The following CYGB variants were observed in gnomAD, a reference collection of about 807,000 sequenced individuals.
CYGB encodes cytoglobin.
CYGB carries 13 observed loss-of-function variants against 20.7 expected under a neutral mutation model. The observed-to-expected ratio is 0.63, with a 90% CI of 0.41 to 1.00. The LOEUF is 1.00. Among genes scored for constraint, CYGB ranks in the 50% least tolerant of loss-of-function variants. The pLI is 0.00. For missense variants in CYGB, 218 were observed against 257.2 expected (o/e 0.85, Z 1.04); for synonymous variants, 93 against 107.4 (o/e 0.87, Z 0.83).
Position 76,530,919 on chromosome 17 carries a change from C to G in CYGB, c.539+60G>C. The G allele has an allele frequency of 1.3e-6, 2 of 1,499,248 alleles. No homozygotes were observed. The highest frequency in any genetic ancestry group is 1.8e-6 in the Non-Finnish European group (2 of 1,118,324). 92.9% of individuals were successfully genotyped at this position (1,499,248 alleles called of 1,614,324 possible). ...GGGCCTCAGGAGATATGGGAGACCT[C>G]GGGGACAGCAGAGGACATGGCGGGG... On this transcript the variant is annotated intron_variant, in intron 3 of 3. Coordinates refer to ENST00000293230, the MANE Select transcript of CYGB (RefSeq NM_134268.5). The surrounding 1 kb of genome is among the most constrained non-coding windows in gnomAD (Gnocchi z 6.1).
rs2074796421 is a variant in CYGB, at chr17:76,528,694, T to C, written c.540-83A>G. The C allele has an allele frequency of 1.7e-6, 2 of 1,202,500 alleles. No individual in the cohort carries two copies. Among genetic ancestry groups the C allele is most frequent in the Admixed American group, 8.4e-5 (2 of 23,676 alleles). 74.5% of individuals were successfully genotyped at this position (1,202,500 alleles called of 1,614,324 possible). A position where few individuals can be genotyped will look rare whatever the true frequency, so the allele number is the denominator to read the frequency against. On this transcript the variant is annotated intron_variant, in intron 3 of 3. Coordinates refer to ENST00000293230, the MANE Select transcript of CYGB (RefSeq NM_134268.5). The surrounding 1 kb of genome is among the most constrained non-coding windows in gnomAD (Gnocchi z 5.8). ...GGGGGAAAGGGGGAGGACCTGGGGC[T>C]GGCGAGGCTCACTTCCTGCCAAGAG...
chr17:76,547,589 C>T (rs1459204318), intron 1 of CYGB, among the ~76,000 whole-genome samples: 1 of 152,040 alleles, frequency 6.6e-6, no homozygotes, highest in Non-Finnish European at 1.5e-5. Flanking sequence ...CAGACTCAGC[C>T]TGTGCACCTG....
intron 1 of CYGB, 84 bp downstream of exon 1, chr17:76,537,316 C>A: frequency 7.2e-7 from 1 of 1,393,348 alleles, no homozygotes; most frequent in Non-Finnish European, 9.3e-7. Context: ...GGCGCTGGAG[C>A]TCGGACCCGG....
chr17:76,539,404 CCTGT>C (rs764961872), upstream of CYGB, among the ~76,000 whole-genome samples: 20 of 152,276 alleles, frequency 1.3e-4, no homozygotes, highest in South Asian at 4.1e-4. Context: ...AGTGGCTGCA[CCTGT>C]CTATTTTGTG....
At chr17:76,532,573 C>T (rs2074859532) in intron 1 of CYGB, among the ~76,000 whole-genome samples, 1 of 143,186 alleles carries the variant, frequency 7.0e-6, no homozygotes, top group Non-Finnish European at 1.5e-5. Context: ...ACTCTGTCAT[C>T]CAGGCTGGAG....
chr17:76,527,853 G>A lies in CYGB; in HGVS notation c.*725C>T, dbSNP rs1382505451. 2.2e-6 allele frequency: 1 copy of A among 450,920 alleles called. No homozygotes were observed. The highest frequency in any genetic ancestry group is 7.0e-5 in the East Asian group (1 of 14,312). The allele number at this position is 450,920 out of a possible 1,614,324, so 27.9% of individuals were successfully genotyped here. ...CAGCCGGTGAGTCAGTTCCTCTGAG[G>A]GAGTAGGGGGAGCCCACTCCTTTCT... On this transcript the variant is annotated 3_prime_UTR_variant, in exon 4 of 4. Coordinates refer to ENST00000293230, the MANE Select transcript of CYGB (RefSeq NM_134268.5).
upstream of CYGB, among the ~76,000 whole-genome samples, chr17:76,542,319 T>C (rs1001858786): frequency 6.6e-6 from 1 of 152,180 alleles, no homozygotes; most frequent in African/African-American, 2.4e-5. Context: ...CTGGAAAAAT[T>C]GGTCTGACAT....
rs1402097689 is a variant in CYGB, at chr17:76,533,375, C to T, written c.144-1684G>A. On this transcript the variant is annotated intron_variant, in intron 1 of 3. Coordinates refer to ENST00000293230, the MANE Select transcript of CYGB (RefSeq NM_134268.5). The surrounding 1 kb of genome is among the most constrained non-coding windows in gnomAD (Gnocchi z 4.5). ...GTAATGAGGGACAAATGTGAAAAAC[C>T]CAATTTGGACTTAAACAAGCATCTC... is the stretch of plus-strand genomic sequence containing the variant. Among the ~76,000 whole-genome samples, 2 of 152,112 alleles carry T rather than the reference C, an allele frequency of 1.3e-5. No homozygotes were observed. The highest frequency in any genetic ancestry group is 2.9e-5 in the Non-Finnish European group (2 of 68,026).
chr17:76,544,457 G>A (rs2075030696), intron 1 of CYGB: 3 of 455,156 alleles, frequency 6.6e-6, no homozygotes, highest in African/African-American at 4.0e-5. Flanking sequence ...GGGCCTGCTG[G>A]TACCTCGGGG....
Position 76,531,294 on chromosome 17 carries a change from G to T in CYGB, c.376-152C>A. ...ACCCCGTGCTCTCAGGACAAGGGTT[G>T]CCCTGGACCCAGCCCCTCCATCCTG... On this transcript the variant is annotated intron_variant, in intron 2 of 3. Coordinates refer to ENST00000293230, the MANE Select transcript of CYGB (RefSeq NM_134268.5). This position sits in a 1 kb window ranked among gnomAD's most constrained non-coding sequence, Gnocchi z 7.4. 8.3e-7 allele frequency: 1 copy of T among 1,203,148 alleles called. No homozygotes were observed. The allele number at this position is 1,203,148 out of a possible 1,614,324, so 74.5% of individuals were successfully genotyped here.
At position 76,528,918 on chromosome 17, in the gene CYGB, A is replaced by C; in HGVS notation, c.540-307T>G. ...TCACAAACTGCAAAGCACGATACCAATGTGAGCTCTTTTTCCATTAATTCT... is the reference window on the plus strand; with the variant it reads ...TCACAAACTGCAAAGCACGATACCACTGTGAGCTCTTTTTCCATTAATTCT... On this transcript the variant is annotated intron_variant, in intron 3 of 3. Coordinates refer to ENST00000293230, the MANE Select transcript of CYGB (RefSeq NM_134268.5). The surrounding 1 kb of genome is among the most constrained non-coding windows in gnomAD (Gnocchi z 5.8). 1 of 1,163,108 alleles carries C rather than the reference A, an allele frequency of 8.6e-7. No individual in the cohort carries two copies. 72.0% of individuals were successfully genotyped at this position (1,163,108 alleles called of 1,614,324 possible).
chr17:76,529,107 C>G (rs963097838), intron 3 of CYGB: 1 of 965,870 alleles, frequency 1.0e-6, no homozygotes, highest in Non-Finnish European at 1.2e-6. Context: ...GCTCAATAAA[C>G]AGTGGCGCCT....
At position 76,528,588 on chromosome 17, in the gene CYGB, G is replaced by T; in HGVS notation, c.563C>A (p.Ser188Ter). The change falls in exon 4 of 4, where the codon TCG becomes TAG. Residue 188 changes from serine (S) to a stop codon, truncating the protein, a stop_gained. Coordinates refer to ENST00000293230, the MANE Select transcript of CYGB (RefSeq NM_134268.5). LOFTEE classifies it high-confidence loss of function. This position sits in a 1 kb window ranked among gnomAD's most constrained non-coding sequence, Gnocchi z 5.8. ...ATTPPATLPS[S>*]GP is the part of the protein sequence containing the mutation. Reference sequence around the variant, plus strand: ...GTGGAGTTAGGGGTCCTACGGCCCCGAAGAGGGCAGTGTGGCCGGTGGGCT... The same window carrying T: ...GTGGAGTTAGGGGTCCTACGGCCCCTAAGAGGGCAGTGTGGCCGGTGGGCT... The T allele has an allele frequency of 5.4e-6, 7 of 1,288,052 alleles. No homozygotes were observed. Among genetic ancestry groups the T allele is most frequent in the Non-Finnish European group, 6.9e-6 (7 of 1,009,678 alleles). The allele number at this position is 1,288,052 out of a possible 1,614,324, so 79.8% of individuals were successfully genotyped here.
At chr17:76,538,826 A>C (rs572620040), upstream of CYGB, among the ~76,000 whole-genome samples, 7 of 152,314 alleles carry the variant, frequency 4.6e-5, no homozygotes, top group South Asian at 1.4e-3. Context: ...TTGGGAAGAG[A>C]TGTCACTCAG....
upstream of CYGB, chr17:76,538,256 G>GC: frequency 5.3e-6 from 1 of 187,320 alleles, no homozygotes. Context: ...CTCTCCCCGC[G>GC]CCCCCGAGCC....
upstream of CYGB, chr17:76,538,399 C>G (rs2074947910): frequency 7.9e-5 from 32 of 406,542 alleles, 1 homozygote; most frequent in South Asian, 5.6e-4. Context: ...ACCTCGGGCG[C>G]CAGAGGCCTG....
At chr17:76,551,189 A>G (rs923418936), upstream of CYGB, 18 of 152,184 alleles carry the variant, frequency 1.2e-4, no homozygotes, top group African/African-American at 3.6e-4. Flanking sequence ...CAGAGAAGAG[A>G]ATGCAGTGAA....
chr17:76,540,102 T>C (rs760102518), upstream of CYGB: 22 of 1,577,316 alleles, frequency 1.4e-5, no homozygotes, highest in African/African-American at 2.8e-4. The surrounding 1 kb of genome is among the most constrained non-coding windows in gnomAD (Gnocchi z 5.0). Context: ...CCTGTGGCCT[T>C]CTGCAGACTT....
upstream of CYGB, chr17:76,538,555 G>A: frequency 2.2e-6 from 1 of 463,280 alleles, no homozygotes; most frequent in Non-Finnish European, 4.5e-6. Context: ...GGTGGCGGAG[G>A]AAGTCCAGAG....
Sources: gnomAD v4.1 joint callset for allele counts (sites outside exome capture counted in the v4.1 genomes callset) on GRCh38, gnomAD v4.1.1 for gene constraint, Gnocchi (gnomAD v3.1) non-coding constraint, MANE v1.5 for transcripts, NCBI Gene and HGNC (gene_info 2026-07-23, HGNC 2026-07-21) for gene names.